GTF3C2: variants seen among roughly 807,000 people sequenced by gnomAD.
GTF3C2 encodes general transcription factor IIIC subunit 2, also known as general transcription factor 3C polypeptide 2.
GTF3C2 carries 17 observed loss-of-function variants against 117.4 expected under a neutral mutation model. The observed-to-expected ratio is 0.14, with a 90% CI of 0.10 to 0.22. The LOEUF (loss-of-function observed/expected upper bound fraction) is 0.22. GTF3C2 is among the 10% of genes least tolerant of loss of function. The pLI is 1.00. For synonymous variants in GTF3C2, 437 were observed against 427.0 expected (o/e 1.02, Z -0.29); for missense variants, 888 against 1,143.6 (o/e 0.78, Z 3.22).
intron 1 of GTF3C2, among the ~76,000 whole-genome samples, chr2:27,351,498 G>A (rs1681138152): frequency 6.6e-6 from 1 of 152,152 alleles, no homozygotes; most frequent in Admixed American, 6.5e-5. Flanking sequence ...CACAGCCAAT[G>A]GCTCCATAAA....
exon 3 of GTF3C2, chr2:27,343,132 A>G: frequency 6.3e-7 from 1 of 1,576,294 alleles, no homozygotes; most frequent in South Asian, 1.2e-5. Flanking sequence ...GACCTTTGAC[A>G]TCTCTGAAGA....
At chr2:27,328,164 G>A (rs755964710) in exon 17 of GTF3C2, 3 of 1,592,128 alleles carry the variant, frequency 1.9e-6, no homozygotes, top group Non-Finnish European at 1.7e-6. Context: ...GTCCTGATAC[G>A]GTATCAGATC....
chr2:27,327,096 CT>C, intron 18 of GTF3C2, 80 bp downstream of exon 18: 1 of 789,908 alleles, frequency 1.3e-6, no homozygotes, highest in Non-Finnish European at 2.1e-6. Flanking sequence ...TCTGTGTAAC[CT>C]TTTCATCTAC....
In GTF3C2 at chr2:27,337,562, G is replaced by A. The variant is rs774419701; in HGVS notation, c.951-4C>T. On this transcript the variant is annotated splice_polypyrimidine_tract_variant and splice_region_variant and intron_variant, in intron 5 of 18. Coordinates refer to ENST00000264720, the Ensembl canonical transcript of GTF3C2. The stretch of plus-strand genomic sequence containing the variant: ...GTATGAATGTTTCTGCTCTCGGCTG[G>A]AGAAACAGAAGAAGCATTAATGAAG... 2.5e-6 allele frequency: 4 copies of A among 1,596,594 alleles called. No individual in the cohort carries two copies. Among genetic ancestry groups the A allele is most frequent in the Non-Finnish European group, 3.4e-6 (4 of 1,164,086 alleles).
chr2:27,344,191 T>C (rs1458083575), intron 1 of GTF3C2, among the ~76,000 whole-genome samples: 1 of 152,046 alleles, frequency 6.6e-6, no homozygotes, highest in Admixed American at 6.6e-5. Flanking sequence ...GCCCAGCTAA[T>C]TTTTGTATTT....
chr2:27,339,106 A>G (rs1464023243), intron 4 of GTF3C2, among the ~76,000 whole-genome samples: 1 of 152,130 alleles, frequency 6.6e-6, no homozygotes, highest in Non-Finnish European at 1.5e-5. Flanking sequence ...AAAAACAGTA[A>G]TCAGTTGAAA....
At chr2:27,355,225 T>C (rs947494685) in intron 1 of GTF3C2, among the ~76,000 whole-genome samples, 1 of 152,184 alleles carries the variant, frequency 6.6e-6, no homozygotes, top group Non-Finnish European at 1.5e-5. Context: ...GAATTGCCTG[T>C]ACATATAATT....
rs1425623013 is a variant in GTF3C2, at chr2:27,328,750, CCTT to C, written c.2127+91_2127+93del. The C allele has an allele frequency of 3.7e-6, 4 of 1,089,746 alleles. No homozygotes were observed. The African/African-American group carries it at 6.3e-5, about 17-fold the overall frequency. 67.5% of individuals were successfully genotyped at this position (1,089,746 alleles called of 1,614,324 possible). On this transcript the variant is annotated intron_variant, in intron 15 of 18. Coordinates refer to ENST00000264720, the Ensembl canonical transcript of GTF3C2. ...TAGAGTTACAACATCCCTATCTTCTCCTTCTACCCAAAACTACTGCCTCTGACT... is the reference window on the plus strand; with the variant it reads ...TAGAGTTACAACATCCCTATCTTCTCCTACCCAAAACTACTGCCTCTGACT...
At chr2:27,328,369 C>A (rs1426498671) in intron 16 of GTF3C2, 99 bp downstream of exon 16, 1 of 1,293,776 alleles carries the variant, frequency 7.7e-7, no homozygotes, top group East Asian at 2.3e-5. Context: ...TCTGGGATAT[C>A]AGGGCCGGGA....
intron 12 of GTF3C2, among the ~76,000 whole-genome samples, chr2:27,332,700 C>G (rs1680320609): frequency 1.3e-5 from 2 of 151,860 alleles, no homozygotes; most frequent in Admixed American, 1.3e-4. Context: ...AGGCGTGAGC[C>G]ACCGTGCCCG....
intron 17 of GTF3C2, 34 bp downstream of exon 17, chr2:27,328,003 T>TAG: frequency 6.4e-7 from 1 of 1,573,574 alleles, no homozygotes; most frequent in African/African-American, 1.4e-5. Context: ...CTACCTTTTC[T>TAG]AATACCACAC....
At chr2:27,339,023 A>C (rs1265856307) in intron 4 of GTF3C2, among the ~76,000 whole-genome samples, 7 of 152,112 alleles carry the variant, frequency 4.6e-5, no homozygotes, top group Non-Finnish European at 1.0e-4. Context: ...TGTAAACCTG[A>C]CTCAGTCTCA....
At chr2:27,354,434 G>T (rs1175549323) in intron 1 of GTF3C2, among the ~76,000 whole-genome samples, 1 of 152,178 alleles carries the variant, frequency 6.6e-6, no homozygotes, top group African/African-American at 2.4e-5. Flanking sequence ...GAGCTAAATG[G>T]AAATCAGTTA....
chr2:27,341,581 A>G (rs1680731952), intron 4 of GTF3C2: 2 of 184,018 alleles, frequency 1.1e-5, no homozygotes, highest in East Asian at 2.7e-4. Flanking sequence ...TTCAACTATC[A>G]TTCCTCTGTG....
At chr2:27,336,662 C>T in intron 7 of GTF3C2, 1 of 474,694 alleles carries the variant, frequency 2.1e-6, no homozygotes, top group Non-Finnish European at 3.8e-6. Flanking sequence ...GGATGGAGTG[C>T]AGTGGCATGA....
chr2:27,343,486 T>A (rs770988753), exon 2 of GTF3C2: 1 of 1,614,108 alleles, frequency 6.2e-7, no homozygotes, highest in Non-Finnish European at 8.5e-7. Context: ...CAGGAGAGTC[T>A]ACCACAGTCA....
At chr2:27,331,068 G>A (rs1252919789) in intron 12 of GTF3C2, among the ~76,000 whole-genome samples, 1 of 152,176 alleles carries the variant, frequency 6.6e-6, no homozygotes, top group Non-Finnish European at 1.5e-5. Flanking sequence ...TCTTGAAAAA[G>A]TTTGTTGACG....
At chr2:27,354,377 G>C (rs1681251091) in intron 1 of GTF3C2, among the ~76,000 whole-genome samples, 1 of 152,158 alleles carries the variant, frequency 6.6e-6, no homozygotes, top group South Asian at 2.1e-4. Context: ...AAACCTTCAA[G>C]CTTCAAGCAT....
intron 1 of GTF3C2, among the ~76,000 whole-genome samples, chr2:27,355,724 A>T (rs1029029219): frequency 5.3e-5 from 8 of 152,048 alleles, no homozygotes; most frequent in Non-Finnish European, 7.4e-5. Context: ...ATGACACAAC[A>T]CTGCACCTTA....
Sources: gnomAD v4.1 joint callset for allele counts (sites outside exome capture counted in the v4.1 genomes callset) on GRCh38, gnomAD v4.1.1 for gene constraint, MANE v1.5 for transcripts, NCBI Gene and HGNC (gene_info 2026-07-23, HGNC 2026-07-21) for gene names.